CPNE8: variants seen among roughly 807,000 people sequenced by gnomAD.
CPNE8 encodes copine 8, also known as copine-8.
Under a neutral mutation model 81.5 loss-of-function variants are expected in CPNE8, and 45 were observed. The ratio of observed to expected loss-of-function variants is 0.55; its 90% CI spans 0.44 to 0.71. The LOEUF (loss-of-function observed/expected upper bound fraction) is 0.71. CPNE8 is among the 30% of genes least tolerant of loss of function. The probability of loss-of-function intolerance (pLI) is 0.00; values close to 1 mark genes in which losing one functional copy is unlikely to be tolerated. For synonymous variants in CPNE8, 252 were observed against 226.3 expected (o/e 1.11, Z -1.02); for missense variants, 594 against 672.1 (o/e 0.88, Z 1.28).
intron 1 of CPNE8, among the ~76,000 whole-genome samples, chr12:38,903,284 CT>C (rs1467435083): frequency 2.0e-5 from 3 of 152,158 alleles, no homozygotes; most frequent in South Asian, 4.1e-4. Flanking sequence ...ACTAGTGCCC[CT>C]GGCAGAGATG....
intron 13 of CPNE8, among the ~76,000 whole-genome samples, chr12:38,704,101 G>A (rs1280255315): frequency 3.3e-5 from 5 of 152,228 alleles, no homozygotes; most frequent in Admixed American, 2.6e-4. Context: ...GACTACTAGA[G>A]GAGAGATGGA....
At chr12:38,860,320 A>T (rs968713033) in intron 3 of CPNE8, among the ~76,000 whole-genome samples, 2 of 147,076 alleles carry the variant, frequency 1.4e-5, no homozygotes, top group African/African-American at 5.0e-5. Flanking sequence ...ATCACTAATC[A>T]TTGGAGAACT....
At chr12:38,704,180 A>G (rs1940026779) in intron 13 of CPNE8, among the ~76,000 whole-genome samples, 2 of 152,210 alleles carry the variant, frequency 1.3e-5, no homozygotes, top group African/African-American at 4.8e-5. Flanking sequence ...TGACAGGATC[A>G]TTTGTAACCT....
intron 6 of CPNE8, among the ~76,000 whole-genome samples, chr12:38,823,416 C>T (rs1565635822): frequency 6.6e-6 from 1 of 152,200 alleles, no homozygotes. Flanking sequence ...AGGACACAAT[C>T]ATCCATCTAC....
chr12:38,660,092 T>C (rs914582058), intron 19 of CPNE8, among the ~76,000 whole-genome samples: 20 of 152,214 alleles, frequency 1.3e-4, no homozygotes, highest in Non-Finnish European at 4.4e-5. Flanking sequence ...GATGACTTTC[T>C]TCACAGAAAT....
intron 16 of CPNE8, among the ~76,000 whole-genome samples, chr12:38,681,026 G>A (rs763509079): frequency 1.3e-5 from 2 of 151,842 alleles, no homozygotes; most frequent in African/African-American, 4.8e-5. Context: ...GGAAACAAAA[G>A]ACTAATAGGA....
chr12:38,811,978 A>G (rs1322895691), intron 6 of CPNE8, among the ~76,000 whole-genome samples: 1 of 152,232 alleles, frequency 6.6e-6, no homozygotes, highest in African/African-American at 2.4e-5. Flanking sequence ...TCTTGGGAAG[A>G]AAAGCAAATA....
intron 19 of CPNE8, among the ~76,000 whole-genome samples, chr12:38,664,701 C>G (rs1939029259): frequency 6.6e-6 from 1 of 152,110 alleles, no homozygotes; most frequent in African/African-American, 2.4e-5. Flanking sequence ...ATAATCATCA[C>G]TGTTCTTACA....
intron 7 of CPNE8, among the ~76,000 whole-genome samples, chr12:38,774,108 G>A (rs1224511440): frequency 3.3e-5 from 5 of 152,078 alleles, no homozygotes; most frequent in Non-Finnish European, 7.4e-5. Flanking sequence ...CTAAGGCCTG[G>A]TAAAAGAATT....
chr12:38,805,843 T>C lies in CPNE8; in HGVS notation c.407+23536A>G, dbSNP rs1241218119. Among the ~76,000 whole-genome samples, 4 of 149,166 alleles carry C rather than the reference T, an allele frequency of 2.7e-5. 1 individual carries two copies. The highest frequency in any genetic ancestry group is 2.2e-4 in the South Asian group (1 of 4,534). ...TGGTTTTTTGAAAGGATCAACAAAA[T>C]TGATAGACCACTAGCAAGACTAATA... On this transcript the variant is annotated intron_variant, in intron 6 of 19. Transcript: ENST00000331366.
intron 6 of CPNE8, among the ~76,000 whole-genome samples, chr12:38,792,805 C>T (rs192283950): frequency 6.6e-6 from 1 of 151,870 alleles, no homozygotes; most frequent in Non-Finnish European, 1.5e-5. Context: ...GATCAATATC[C>T]CTGATGAATA....
intron 13 of CPNE8, among the ~76,000 whole-genome samples, chr12:38,712,348 A>G (rs1315652040): frequency 6.6e-6 from 1 of 151,724 alleles, no homozygotes. Flanking sequence ...TAGCTGGGAG[A>G]ACACACATGT....
chr12:38,842,349 C>T (rs545014863), intron 4 of CPNE8, among the ~76,000 whole-genome samples: 3 of 152,098 alleles, frequency 2.0e-5, no homozygotes, highest in Admixed American at 6.5e-5. Context: ...TAAAAAGAAC[C>T]GAGTGTGGAC....
chr12:38,832,424 G>A (rs1306623034), intron 5 of CPNE8, among the ~76,000 whole-genome samples: 1 of 152,114 alleles, frequency 6.6e-6, no homozygotes, highest in African/African-American at 2.4e-5. Flanking sequence ...ATCAACACAG[G>A]CCCATAATGG....
intron 6 of CPNE8, among the ~76,000 whole-genome samples, chr12:38,783,521 C>T (rs1461506715): frequency 6.6e-6 from 1 of 152,044 alleles, no homozygotes; most frequent in Non-Finnish European, 1.5e-5. Context: ...CCTGTTATAG[C>T]AGAAAGTAAA....
At chr12:38,722,642 T>G (rs545282864) in intron 13 of CPNE8, among the ~76,000 whole-genome samples, 1 of 152,302 alleles carries the variant, frequency 6.6e-6, no homozygotes, top group South Asian at 2.1e-4. Context: ...CATTCAAATT[T>G]GCTTCACTCC....
chr12:38,820,549 A>G (rs1018507559), intron 6 of CPNE8, among the ~76,000 whole-genome samples: 1 of 152,200 alleles, frequency 6.6e-6, no homozygotes, highest in African/African-American at 2.4e-5. Flanking sequence ...GTGAAGTATC[A>G]AATAAAACTA....
intron 1 of CPNE8, among the ~76,000 whole-genome samples, chr12:38,893,123 A>G (rs187906186): frequency 6.6e-6 from 1 of 152,302 alleles, no homozygotes; most frequent in Admixed American, 6.5e-5. Flanking sequence ...ACAAAGTTAA[A>G]CTGTTTGGAG....
At chr12:38,826,024 T>C (rs1451601248) in intron 6 of CPNE8, among the ~76,000 whole-genome samples, 1 of 152,210 alleles carries the variant, frequency 6.6e-6, no homozygotes, top group Admixed American at 6.5e-5. Context: ...GCAACCAGTC[T>C]GCAATTCCTA....
Sources: gnomAD v4.1 joint callset for allele counts (sites outside exome capture counted in the v4.1 genomes callset) on GRCh38, gnomAD v4.1.1 for gene constraint, MANE v1.5 for transcripts, NCBI Gene and HGNC (gene_info 2026-07-23, HGNC 2026-07-21) for gene names.